The following DYNC1I1 variants were observed in gnomAD, a reference collection of about 807,000 sequenced individuals.
DYNC1I1 encodes dynein cytoplasmic 1 intermediate chain 1, also known as cytoplasmic dynein 1 intermediate chain 1.
DYNC1I1 carries 43 observed loss-of-function variants against 86.6 expected under a neutral mutation model. The ratio of observed to expected loss-of-function variants is 0.50; its 90% CI spans 0.39 to 0.64. The LOEUF (loss-of-function observed/expected upper bound fraction) is 0.64. Ranked by LOEUF, DYNC1I1 falls within the 30% of genes least tolerant of loss-of-function variation. DYNC1I1 has a pLI of 0.00. For synonymous variants in DYNC1I1, 262 were observed against 283.7 expected, an observed-to-expected ratio of 0.92 and a Z score of 0.77; for missense variants, 604 against 788.8, an observed-to-expected ratio of 0.77 and a Z score of 2.81.
intron 3 of DYNC1I1, among the ~76,000 whole-genome samples, chr7:95,811,305 A>G (rs1402195864): frequency 2.0e-5 from 3 of 152,152 alleles, no homozygotes; most frequent in African/African-American, 7.2e-5. Flanking sequence ...AAACTACATT[A>G]TATCCAATAT....
intron 6 of DYNC1I1, among the ~76,000 whole-genome samples, chr7:95,938,458 G>A (rs910005273): frequency 6.6e-6 from 1 of 152,148 alleles, no homozygotes; most frequent in Non-Finnish European, 1.5e-5. Flanking sequence ...ACCTGTTAGG[G>A]AAAATGCAGG....
At chr7:96,105,289 A>G (rs975928674) in intron 16 of DYNC1I1, among the ~76,000 whole-genome samples, 2 of 151,876 alleles carry the variant, frequency 1.3e-5, no homozygotes, top group African/African-American at 2.4e-5. Context: ...TTCTTTTCCA[A>G]TCTTATCTTT....
At chr7:95,882,451 C>G (rs894150120) in intron 6 of DYNC1I1, among the ~76,000 whole-genome samples, 1 of 152,172 alleles carries the variant, frequency 6.6e-6, no homozygotes, top group Non-Finnish European at 1.5e-5. Flanking sequence ...GTTTGAGCAT[C>G]TGTTTCCCTC....
In DYNC1I1 at chr7:95,844,005, T is replaced by G. The variant is rs114633707; in HGVS notation, c.374+15889T>G. On this transcript the variant is annotated intron_variant, in intron 5 of 16. Transcript: ENST00000447467. ...TGAGGGAGGGATTATGTTTAAAATGTTTTTTGGTGTGTCTTATGAAGAGAA... is the reference window on the plus strand; with the variant it reads ...TGAGGGAGGGATTATGTTTAAAATGGTTTTTGGTGTGTCTTATGAAGAGAA... 4.8e-3 allele frequency among the ~76,000 whole-genome samples: 738 copies of G among 152,302 alleles called. 5 individuals carry two copies. The highest frequency in any genetic ancestry group is 0.017 in the African/African-American group (697 of 41,556).
chr7:96,106,003 A>G (rs2116352070), intron 16 of DYNC1I1, among the ~76,000 whole-genome samples: 1 of 152,252 alleles, frequency 6.6e-6, no homozygotes, highest in South Asian at 2.1e-4. Flanking sequence ...TCTCTTTTTA[A>G]GTTCCTGATG....
In DYNC1I1 at chr7:95,851,906, C is replaced by T. The variant is rs969955440; in HGVS notation, c.375-17977C>T. On this transcript the variant is annotated intron_variant, in intron 5 of 16. Transcript: ENST00000447467. ...CTTGAACTCCTGACCTTAGGTGATC[C>T]GCCCTCCTTGGCCTCACAAAGTGCT... Among the ~76,000 whole-genome samples, 4 of 152,070 alleles carry T rather than the reference C, an allele frequency of 2.6e-5. 1 individual carries two copies. Among genetic ancestry groups the T allele is most frequent in the South Asian group, 4.1e-4 (2 of 4,826 alleles).
intron 6 of DYNC1I1, among the ~76,000 whole-genome samples, chr7:95,948,115 G>C (rs1249195826): frequency 6.6e-6 from 1 of 151,930 alleles, no homozygotes; most frequent in African/African-American, 2.4e-5. Flanking sequence ...GAAGGAAGCA[G>C]GAACCAGCCA....
intron 7 of DYNC1I1, among the ~76,000 whole-genome samples, chr7:95,978,647 A>G (rs1425288371): frequency 2.0e-5 from 3 of 151,844 alleles, no homozygotes; most frequent in African/African-American, 7.2e-5. Context: ...GCTCTGGCAC[A>G]GTGTGGCAGA....
chr7:96,060,927 C>T lies in DYNC1I1; in HGVS notation c.1510-15130C>T, dbSNP rs1159187564. Reference sequence around the variant, plus strand: ...ACACAAAGGCAGCCCCAAAATGGAACACCGAAAAAGAAGTCAGAAAACAAT... The same window carrying T: ...ACACAAAGGCAGCCCCAAAATGGAATACCGAAAAAGAAGTCAGAAAACAAT... On this transcript the variant is annotated intron_variant, in intron 14 of 16. Transcript: ENST00000447467. Among the ~76,000 whole-genome samples the T allele has an allele frequency of 2.6e-5, 4 of 152,022 alleles. No homozygotes were observed. In the South Asian group the frequency reaches 6.2e-4, roughly 24 times the overall value.
intron 6 of DYNC1I1, among the ~76,000 whole-genome samples, chr7:95,941,823 C>T (rs1792232550): frequency 6.6e-6 from 1 of 152,212 alleles, no homozygotes; most frequent in South Asian, 2.1e-4. Flanking sequence ...CCTGCGCCCA[C>T]TGTCTGGCAC....
intron 6 of DYNC1I1, among the ~76,000 whole-genome samples, chr7:95,944,407 C>T (rs1792333966): frequency 6.6e-6 from 1 of 152,166 alleles, no homozygotes; most frequent in Non-Finnish European, 1.5e-5. Flanking sequence ...GAAATAGGAA[C>T]ACTTTTACAC....
At chr7:95,888,351 C>T (rs977100630) in intron 6 of DYNC1I1, among the ~76,000 whole-genome samples, 12 of 151,966 alleles carry the variant, frequency 7.9e-5, no homozygotes, top group Admixed American at 1.3e-4. Flanking sequence ...GTGGGAGGAT[C>T]GCTTGAGCCC....
intron 5 of DYNC1I1, among the ~76,000 whole-genome samples, chr7:95,841,709 T>C (rs1171383917): frequency 6.6e-6 from 1 of 152,216 alleles, no homozygotes; most frequent in Non-Finnish European, 1.5e-5. Flanking sequence ...CATACCCATT[T>C]AAACTCCCTG....
At chr7:95,873,854 TG>T (rs1790236478) in intron 6 of DYNC1I1, among the ~76,000 whole-genome samples, 1 of 152,378 alleles carries the variant, frequency 6.6e-6, no homozygotes, top group East Asian at 1.9e-4. Flanking sequence ...CATTATTTCC[TG>T]ATCATTGCTG....
At chr7:95,907,044 A>T (rs1791194172) in intron 6 of DYNC1I1, among the ~76,000 whole-genome samples, 1 of 152,198 alleles carries the variant, frequency 6.6e-6, no homozygotes, top group Non-Finnish European at 1.5e-5. Flanking sequence ...AAGCTAAACC[A>T]CTTAAGCTCT....
At chr7:95,796,261 G>A (rs1794433044) in intron 1 of DYNC1I1, among the ~76,000 whole-genome samples, 1 of 152,152 alleles carries the variant, frequency 6.6e-6, no homozygotes, top group South Asian at 2.1e-4. Context: ...GCTTAGGCAA[G>A]TGAGAAATCT....
At chr7:95,936,985 C>CACACACACACACAT (rs1181635620) in intron 6 of DYNC1I1, among the ~76,000 whole-genome samples, 2 of 151,738 alleles carry the variant, frequency 1.3e-5, no homozygotes, top group African/African-American at 4.8e-5. Flanking sequence ...CACACACACA[C>CACACACACACACAT]ACACAAATAC....
At chr7:96,005,306 A>G (rs1303896242) in intron 10 of DYNC1I1, among the ~76,000 whole-genome samples, 1 of 152,230 alleles carries the variant, frequency 6.6e-6, no homozygotes, top group East Asian at 1.9e-4. Context: ...ATAATAGCAG[A>G]TAAGCAGCTT....
chr7:95,970,472 C>T (rs758751533), intron 6 of DYNC1I1, among the ~76,000 whole-genome samples: 1 of 152,166 alleles, frequency 6.6e-6, no homozygotes, highest in Non-Finnish European at 1.5e-5. Context: ...TCCGAATCTG[C>T]ACAAAGGGTG....
Sources: allele counts gnomAD v4.1 joint callset (sites outside exome capture counted in the v4.1 genomes callset), GRCh38; gene constraint gnomAD v4.1.1; transcripts MANE v1.5; gene names NCBI Gene and HGNC (gene_info 2026-07-23, HGNC 2026-07-21).